The following RMC1 variants were observed in gnomAD, a reference collection of about 807,000 sequenced individuals.
The protein encoded by RMC1 is regulator of MON1-CCZ1, also known as regulator of MON1-CCZ1 complex.
A neutral mutation model predicts 95.5 loss-of-function variants in RMC1; 44 were observed. The observed-to-expected ratio is 0.46, with a 90% CI of 0.36 to 0.59. The LOEUF (loss-of-function observed/expected upper bound fraction) is 0.59. Ranked by LOEUF, RMC1 falls within the 20% of genes least tolerant of loss-of-function variation. RMC1 has a pLI of 0.00. For synonymous variants in RMC1, 320 were observed against 303.6 expected (o/e 1.05, Z -0.56); for missense variants, 705 against 819.6 (o/e 0.86, Z 1.71).
chr18:23,516,168 T>A lies in RMC1; in HGVS notation c.550-152T>A, dbSNP rs979159865. On this transcript the variant is annotated intron_variant, in intron 6 of 19. Transcript: ENST00000269221. ...TCAGCTCCTGGAGCCATTCATTCTA[T>A]GCTGGGCAGACAGGCTGTGAGAGGA... 1.5e-5 allele frequency: 19 copies of A among 1,280,712 alleles called. No homozygotes were observed. The African/African-American group carries it at 2.8e-4, about 19-fold the overall frequency. 79.3% of individuals were successfully genotyped at this position (1,280,712 alleles called of 1,614,324 possible).
Position 23,530,548 on chromosome 18 carries a change from T to C in RMC1, c.1830T>C (p.Tyr610=), listed in dbSNP as rs565947775. ...AGACTGAAGACAACATGCTTTTCTA[T>C]ACAATATTCCGCTTTTTTGAACAGC... ...AKQTEDNMLF[Y]TIFRFFEQRN... is the part of the protein sequence containing the mutation. The change falls in exon 19 of 20, where the codon TAT becomes TAC. Residue 610 remains tyrosine, a synonymous_variant. Coordinates refer to ENST00000269221, the MANE Select transcript of RMC1 (RefSeq NM_013326.5). 77 of 1,614,242 alleles carry C rather than the reference T, an allele frequency of 4.8e-5. No homozygotes were observed. In the South Asian group the frequency reaches 7.9e-4, roughly 17 times the overall value.
At chr18:23,523,543 CAAAAAAAAAAAAAA>C (rs374224848) in intron 10 of RMC1, among the ~76,000 whole-genome samples, 18 of 76,404 alleles carry the variant, frequency 2.4e-4, no homozygotes, top group Non-Finnish European at 2.6e-4. Flanking sequence ...CTTGTCTTCA[CAAAAAAAAAAAAAA>C]AAAAAAAAAA....
At position 23,524,446 on chromosome 18, in the gene RMC1, G is replaced by A; in HGVS notation, c.1024G>A (p.Val342Ile). ...ACATGTGGATTCTTCATCTTGGATTGTCTTTCAACCTGACATCATTATCAG... is the reference window on the plus strand; with the variant it reads ...ACATGTGGATTCTTCATCTTGGATTATCTTTCAACCTGACATCATTATCAG... ...PCKLYSSSWI[V>I]FQPDIIISAS... is the part of the protein sequence containing the mutation. Residue 342 changes from valine (V) to isoleucine (I), a missense_variant, in exon 12 of 20, where the codon GTC becomes ATC. Val to Ile is a conservative substitution (Grantham distance 29, BLOSUM62 3). Coordinates refer to ENST00000269221, the MANE Select transcript of RMC1 (RefSeq NM_013326.5). The A allele has an allele frequency of 6.2e-7, 1 of 1,614,080 alleles. No individual in the cohort carries two copies. Among genetic ancestry groups the A allele is most frequent in the Non-Finnish European group, 8.5e-7 (1 of 1,179,970 alleles).
intron 5 of RMC1, among the ~76,000 whole-genome samples, chr18:23,512,588 ATTTTTTTTTCCTTT>A (rs1376163238): frequency 2.1e-5 from 3 of 142,058 alleles, no homozygotes; most frequent in Non-Finnish European, 4.6e-5. Context: ...GCCCAACTTA[ATTTTTTTTTCCTTT>A]TTTTTTTTTT....
intron 5 of RMC1, among the ~76,000 whole-genome samples, chr18:23,511,917 T>C (rs1193710626): frequency 6.6e-6 from 1 of 152,160 alleles, no homozygotes; most frequent in African/African-American, 2.4e-5. Context: ...TAGACATGTG[T>C]ATTTTCACTA....
chr18:23,523,522 GT>G (rs1410510933), intron 10 of RMC1, among the ~76,000 whole-genome samples: 2 of 105,994 alleles, frequency 1.9e-5, no homozygotes, highest in East Asian at 7.6e-4. Flanking sequence ...ACCAGCCTAG[GT>G]AACATAGACC....
In RMC1 at chr18:23,516,337, G is replaced by A; in HGVS notation, c.567G>A (p.Lys189=). The change falls in exon 7 of 20, where the codon AAG becomes AAA. Residue 189 remains lysine, a synonymous_variant. Transcript: ENST00000269221. The part of the protein sequence containing the change: ...PFHFRAGTMS[K]LPKFEIELPA... ...CTAAACAGGCTGGCACTATGTCGAA[G>A]CTGCCCAAATTTGAGATTGAATTAC... 3 of 1,614,186 alleles carry A rather than the reference G, an allele frequency of 1.9e-6. No individual in the cohort carries two copies. Among genetic ancestry groups the A allele is most frequent in the Non-Finnish European group, 1.7e-6 (2 of 1,180,028 alleles).
intron 2 of RMC1, among the ~76,000 whole-genome samples, chr18:23,504,935 G>C (rs1262670187): frequency 2.0e-5 from 3 of 152,214 alleles, no homozygotes; most frequent in African/African-American, 7.2e-5. Context: ...TTTCAGAAGT[G>C]TCTCGATTTG....
chr18:23,530,917 C>T (rs540712961), intron 19 of RMC1, among the ~76,000 whole-genome samples: 7 of 152,088 alleles, frequency 4.6e-5, no homozygotes, highest in South Asian at 2.1e-4. Context: ...AGGAATAAGA[C>T]GGCAAATGGT....
intron 16 of RMC1, 111 bp downstream of exon 16, chr18:23,529,823 T>A: frequency 8.5e-7 from 1 of 1,181,476 alleles, no homozygotes; most frequent in Non-Finnish European, 1.2e-6. Context: ...CCTCCCTGAC[T>A]CAGAATGCTG....
At chr18:23,525,250 G>T (rs2058263788) in intron 12 of RMC1, among the ~76,000 whole-genome samples, 1 of 151,300 alleles carries the variant, frequency 6.6e-6, no homozygotes, top group Non-Finnish European at 1.5e-5. Context: ...CCGGCCTAAA[G>T]AAATCTTATT....
chr18:23,530,625 T>G lies in RMC1; in HGVS notation c.1894+13T>G, dbSNP rs1427500619. The G allele has an allele frequency of 6.2e-7, 1 of 1,609,706 alleles. No individual in the cohort carries two copies. Among genetic ancestry groups the G allele is most frequent in the East Asian group, 2.2e-5 (1 of 44,814 alleles). On this transcript the variant is annotated intron_variant, in intron 19 of 19. Transcript: ENST00000269221. Reference sequence around the variant, plus strand: ...AATTTCACACCAGGTGAGAATGCAATGAAAAGACTTGGGGTAACCATAGCC... The same window carrying G: ...AATTTCACACCAGGTGAGAATGCAAGGAAAAGACTTGGGGTAACCATAGCC...
rs1340087769 is a variant in RMC1, at chr18:23,523,559, A to AAG, written c.962-570_962-569insGA. On this transcript the variant is annotated intron_variant, in intron 10 of 19. Coordinates refer to ENST00000269221, the MANE Select transcript of RMC1 (RefSeq NM_013326.5). ...TTGTCTTCACAAAAAAAAAAAAAAA[A>AAG]AAAAAAAAAAGAAAAAAAGTTAGGG... Among the ~76,000 whole-genome samples the AAG allele has an allele frequency of 2.6e-3, 390 of 150,040 alleles. 3 individuals carry two copies. The highest frequency in any genetic ancestry group is 9.2e-3 in the African/African-American group (375 of 40,698).
chr18:23,531,371 G>C (rs371642931), intron 19 of RMC1: 1 of 552,552 alleles, frequency 1.8e-6, no homozygotes, highest in Non-Finnish European at 2.8e-6. Context: ...GCTGTCTAAT[G>C]AAACTTCTAG....
chr18:23,516,041 C>A (rs751862809), intron 6 of RMC1, 45 bp downstream of exon 6: 1 of 1,612,824 alleles, frequency 6.2e-7, no homozygotes, highest in African/African-American at 1.3e-5. Flanking sequence ...CCCCAGTTGT[C>A]CCCTGTTCCT....
chr18:23,531,362 C>T, intron 19 of RMC1: 1 of 473,424 alleles, frequency 2.1e-6, no homozygotes, highest in Non-Finnish European at 3.5e-6. Context: ...AGGATCAGGG[C>T]TGTCTAATGA....
rs774042832 is a variant in RMC1 at position 23,524,179 on chromosome 18, C to T, written c.1006+5C>T. 2 of 1,613,534 alleles carry T rather than the reference C, an allele frequency of 1.2e-6. No homozygotes were observed. Among genetic ancestry groups the T allele is most frequent in the South Asian group, 2.2e-5 (2 of 91,086 alleles). The stretch of plus-strand genomic sequence containing the variant: ...CTCCTGTTCCATGTAAACTCTGTAT[C>T]CTTTACTAAGGTGTGGCACCGTGCA... On this transcript the variant is annotated splice_donor_5th_base_variant and intron_variant, in intron 11 of 19. Coordinates refer to ENST00000269221, the MANE Select transcript of RMC1 (RefSeq NM_013326.5).
In RMC1 at chr18:23,515,906, T is replaced by C. The variant is rs765772295; in HGVS notation, c.459T>C (p.Asn153=). 10 of 1,614,146 alleles carry C rather than the reference T, an allele frequency of 6.2e-6. No homozygotes were observed. Among genetic ancestry groups the C allele is most frequent in the South Asian group, 5.5e-5 (5 of 91,084 alleles). ...SLKLLKSHNL[N]VNWYMYCPES... Reference sequence around the variant, plus strand: ...AACTCTTGAAGAGCCACAATCTCAATGTGAATTGGTACATGTACTGCCCCG... The same window carrying C: ...AACTCTTGAAGAGCCACAATCTCAACGTGAATTGGTACATGTACTGCCCCG... Residue 153 remains asparagine, a synonymous_variant, in exon 6 of 20, where the codon AAT becomes AAC. Transcript: ENST00000269221.
intron 2 of RMC1, 67 bp from the exon 3 acceptor site, chr18:23,506,903 C>T: frequency 4.5e-6 from 5 of 1,119,314 alleles, no homozygotes; most frequent in East Asian, 2.5e-5. Context: ...TGTCTTTTGC[C>T]TTTTCAATAA....
Sources: allele counts gnomAD v4.1 joint callset (sites outside exome capture counted in the v4.1 genomes callset), GRCh38; gene constraint gnomAD v4.1.1; transcripts MANE v1.5; gene names NCBI Gene and HGNC (gene_info 2026-07-23, HGNC 2026-07-21).